Variants in NLK observed in about 807,000 individuals in gnomAD.
The protein encoded by NLK is serine/threonine-protein kinase NLK.
Under a neutral mutation model 59.0 loss-of-function variants are expected in NLK, and 11 were observed. That is an observed-to-expected ratio of 0.19 (90% CI 0.12 to 0.31). The LOEUF (loss-of-function observed/expected upper bound fraction) is 0.31. Among genes scored for constraint, NLK ranks in the 10% least tolerant of loss-of-function variants. NLK has a pLI of 1.00. For synonymous variants in NLK, 235 were observed against 235.9 expected, an observed-to-expected ratio of 1.00 and a Z score of 0.03; for missense variants, 410 against 661.1, an observed-to-expected ratio of 0.62 and a Z score of 4.16.
intron 3 of NLK, among the ~76,000 whole-genome samples, chr17:28,143,507 AG>A (rs1484966808): frequency 1.3e-5 from 2 of 152,248 alleles, no homozygotes; most frequent in Non-Finnish European, 2.9e-5. Flanking sequence ...TATCTGAAAT[AG>A]TAAAGAGAGT....
At chr17:28,067,366 A>G (rs1298828066) in intron 1 of NLK, among the ~76,000 whole-genome samples, 1 of 152,164 alleles carries the variant, frequency 6.6e-6, no homozygotes, top group Non-Finnish European at 1.5e-5. Flanking sequence ...ATTTTTATGT[A>G]CATGGACAAT....
chr17:28,058,153 A>C (rs554151112), intron 1 of NLK, among the ~76,000 whole-genome samples: 137 of 152,344 alleles, frequency 9.0e-4, no homozygotes, highest in Middle Eastern at 3.4e-3. Flanking sequence ...GCAAATCTAA[A>C]TGGCTTGTGA....
chr17:28,044,780 G>A (rs1014590993), intron 1 of NLK, among the ~76,000 whole-genome samples: 2 of 152,166 alleles, frequency 1.3e-5, no homozygotes, highest in Non-Finnish European at 2.9e-5. Flanking sequence ...TTGTTCCTTG[G>A]TTTAAATTTT....
At chr17:28,142,623 T>C (rs927082999) in intron 3 of NLK, among the ~76,000 whole-genome samples, 1 of 152,206 alleles carries the variant, frequency 6.6e-6, no homozygotes, top group Non-Finnish European at 1.5e-5. Flanking sequence ...AGATTGTCAT[T>C]ATCCACGCTA....
chr17:28,185,727 A>G (rs1441193659), intron 8 of NLK, among the ~76,000 whole-genome samples: 1 of 152,124 alleles, frequency 6.6e-6, no homozygotes, highest in Non-Finnish European at 1.5e-5. Context: ...TTTGTAGAGA[A>G]GAGGTCTCAC....
chr17:28,151,569 A>T (rs796920004), intron 3 of NLK, among the ~76,000 whole-genome samples: 2 of 152,176 alleles, frequency 1.3e-5, no homozygotes, highest in Non-Finnish European at 2.9e-5. Flanking sequence ...CCAGTCTTTT[A>T]TGTTTAAAAG....
chr17:28,114,134 A>T (rs1294104213), intron 1 of NLK, among the ~76,000 whole-genome samples: 1 of 152,146 alleles, frequency 6.6e-6, no homozygotes, highest in Non-Finnish European at 1.5e-5. Flanking sequence ...TATATTATAT[A>T]TTGAACATTC....
intron 1 of NLK, among the ~76,000 whole-genome samples, chr17:28,078,307 C>G (rs1170985582): frequency 6.6e-6 from 1 of 151,726 alleles, no homozygotes; most frequent in Non-Finnish European, 1.5e-5. Context: ...GACTATAAAC[C>G]TCTTTTGATT....
chr17:28,184,270 G>A (rs1385585063), intron 7 of NLK, among the ~76,000 whole-genome samples: 1 of 152,212 alleles, frequency 6.6e-6, no homozygotes, highest in African/African-American at 2.4e-5. Context: ...TTATGGTAAT[G>A]TCATAAGACA....
At chr17:28,109,043 C>G (rs1007968042) in intron 1 of NLK, among the ~76,000 whole-genome samples, 9 of 151,962 alleles carry the variant, frequency 5.9e-5, no homozygotes, top group Admixed American at 5.2e-4. Context: ...TGGTGGTGGG[C>G]GCCTGTAGTC....
rs1480347514 is a variant in NLK at position 28,195,163 on chromosome 17, A to T, written c.*527A>T. 6.6e-6 allele frequency: 1 copy of T among 152,210 alleles called. No homozygotes were observed. Among genetic ancestry groups the T allele is most frequent in the Non-Finnish European group, 1.5e-5 (1 of 68,054 alleles). 9.4% of individuals were successfully genotyped at this position (152,210 alleles called of 1,614,324 possible). A position where few individuals can be genotyped will look rare whatever the true frequency, so the allele number is the denominator to read the frequency against. On this transcript the variant is annotated 3_prime_UTR_variant, in exon 11 of 11. Transcript: ENST00000407008. ...GGCTGCACCTGGGGGGAGGGTAGGG[A>T]GGAGGGGCATGCCACCTAATGATCA...
intron 3 of NLK, among the ~76,000 whole-genome samples, chr17:28,152,939 TTTTTTTA>T (rs1407736571): frequency 9.9e-5 from 15 of 151,776 alleles, no homozygotes; most frequent in Non-Finnish European, 1.5e-4. Flanking sequence ...TACGTCAGGA[TTTTTTTA>T]TTTTTTATTT....
At chr17:28,112,093 A>G (rs1035362520) in intron 1 of NLK, among the ~76,000 whole-genome samples, 1 of 152,050 alleles carries the variant, frequency 6.6e-6, no homozygotes, top group African/African-American at 2.4e-5. Context: ...CTGGGCATAT[A>G]TTCAGCCATC....
At chr17:28,099,356 G>A (rs1338212869) in intron 1 of NLK, among the ~76,000 whole-genome samples, 1 of 151,946 alleles carries the variant, frequency 6.6e-6, no homozygotes, top group South Asian at 2.1e-4. Context: ...ATACGATCAC[G>A]GAACCCCCAC....
Position 28,046,996 on chromosome 17 carries a change from G to A in NLK, c.458+3665G>A, listed in dbSNP as rs997231985. Among the ~76,000 whole-genome samples, 12 of 152,116 alleles carry A rather than the reference G, an allele frequency of 7.9e-5. 1 individual carries two copies. The highest frequency in any genetic ancestry group is 7.9e-4 in the Admixed American group (12 of 15,272). On this transcript the variant is annotated intron_variant, in intron 1 of 10. Transcript: ENST00000407008. Reference sequence around the variant, plus strand: ...TTTATTATTCTAATAACTTCAGCAGGTTACTTTTATCTGTCTTTCAAAACT... The same window carrying A: ...TTTATTATTCTAATAACTTCAGCAGATTACTTTTATCTGTCTTTCAAAACT...
rs116199455 is a variant in NLK at position 28,085,412 on chromosome 17, C to T, written c.459-37191C>T. 5.9e-3 allele frequency among the ~76,000 whole-genome samples: 893 copies of T among 152,262 alleles called. 10 individuals carry two copies. Among genetic ancestry groups the T allele is most frequent in the African/African-American group, 0.021 (854 of 41,554 alleles). ...TGCATAATGATGTTTCAGTCAATGACGGACCACATACACAATAGTGATCCG... is the reference window on the plus strand; with the variant it reads ...TGCATAATGATGTTTCAGTCAATGATGGACCACATACACAATAGTGATCCG... On this transcript the variant is annotated intron_variant, in intron 1 of 10. Transcript: ENST00000407008.
chr17:28,200,046 A>G (rs934807654), downstream of NLK, among the ~76,000 whole-genome samples: 8 of 152,292 alleles, frequency 5.3e-5, no homozygotes, highest in South Asian at 1.7e-3. Context: ...TTCTTTATAT[A>G]TTCTGAATAC....
chr17:28,130,895 A>G (rs1291637442), intron 2 of NLK, among the ~76,000 whole-genome samples: 2 of 152,184 alleles, frequency 1.3e-5, no homozygotes, highest in Non-Finnish European at 2.9e-5. Flanking sequence ...AAATATATAG[A>G]AATGAAATAA....
chr17:28,123,141 T>C (rs1011322031), intron 2 of NLK, among the ~76,000 whole-genome samples: 32 of 152,218 alleles, frequency 2.1e-4, no homozygotes, highest in Non-Finnish European at 5.9e-5. Flanking sequence ...AATTACACTA[T>C]GAATTGTATG....
Sources: gnomAD v4.1 joint callset for allele counts (sites outside exome capture counted in the v4.1 genomes callset) on GRCh38, gnomAD v4.1.1 for gene constraint, MANE v1.5 for transcripts, NCBI Gene and HGNC (gene_info 2026-07-23, HGNC 2026-07-21) for gene names.